GLT1D1: variants seen among roughly 807,000 people sequenced by gnomAD.
GLT1D1 encodes the protein glycosyltransferase 1 domain containing 1, also known as glycosyltransferase 1 domain-containing protein 1.
A neutral mutation model predicts 28.7 loss-of-function variants in GLT1D1; 21 were observed. The observed-to-expected ratio is 0.73, with a 90% CI of 0.52 to 1.05. GLT1D1 has a LOEUF of 1.05. Among genes scored for constraint, GLT1D1 ranks in the 50% least tolerant of loss-of-function variants. The pLI is 0.00. For missense variants in GLT1D1, 343 were observed against 330.6 expected (o/e 1.04, Z -0.29); for synonymous variants, 147 against 124.8 (o/e 1.18, Z -1.19).
chr12:128,924,242 C>T (rs11060018), intron 4 of GLT1D1, among the ~76,000 whole-genome samples: 28 of 152,014 alleles, frequency 1.8e-4, no homozygotes, highest in African/African-American at 6.3e-4. Flanking sequence ...GCCTGGCCAA[C>T]ATGGCGAAAC....
chr12:128,965,412 A>G (rs1878353998), intron 7 of GLT1D1, among the ~76,000 whole-genome samples: 1 of 152,174 alleles, frequency 6.6e-6, no homozygotes. Context: ...TCCAGACAGG[A>G]GCCCAGCCCA....
At chr12:128,981,683 G>A (rs1028645274) in intron 7 of GLT1D1, among the ~76,000 whole-genome samples, 1 of 152,186 alleles carries the variant, frequency 6.6e-6, no homozygotes, top group African/African-American at 2.4e-5. Context: ...CTTAGGCATT[G>A]CTGCCTTCTT....
rs376424529 is a variant in GLT1D1, at chr12:128,978,190, G to A, written c.640-4739G>A. ...TCCGGGGTTACAGTGCGTGTGTGTGGCTGTCAGCCAATCGGCTTTTCCGCA... is the reference window on the plus strand; with the variant it reads ...TCCGGGGTTACAGTGCGTGTGTGTGACTGTCAGCCAATCGGCTTTTCCGCA... On this transcript the variant is annotated intron_variant, in intron 7 of 7. Coordinates refer to ENST00000281703, the MANE Select transcript of GLT1D1 (RefSeq NM_144669.3). Among the ~76,000 whole-genome samples, 5 of 152,192 alleles carry A rather than the reference G, an allele frequency of 3.3e-5. No individual in the cohort carries two copies. The East Asian group carries it at 5.8e-4, about 18-fold the overall frequency.
At chr12:128,937,675 A>G (rs891780762) in intron 4 of GLT1D1, among the ~76,000 whole-genome samples, 1 of 151,906 alleles carries the variant, frequency 6.6e-6, no homozygotes, top group Non-Finnish European at 1.5e-5. Context: ...TCCACGTGTC[A>G]TGGGAGGTAG....
chr12:128,912,429 T>A, intron 4 of GLT1D1: 1 of 1,526,430 alleles, frequency 6.6e-7, no homozygotes, highest in East Asian at 2.4e-5. Context: ...AAAAGCCGCA[T>A]GCTAAGGGTA....
intron 1 of GLT1D1, among the ~76,000 whole-genome samples, chr12:128,875,052 T>C (rs1956839382): frequency 8.0e-6 from 1 of 125,484 alleles, no homozygotes; most frequent in Admixed American, 8.2e-5. Flanking sequence ...AAGACATAAA[T>C]ATTGTGTGTG....
chr12:128,982,648 T>G (rs1256782232), intron 7 of GLT1D1, among the ~76,000 whole-genome samples: 3 of 152,116 alleles, frequency 2.0e-5, no homozygotes. Context: ...TCCAGTATTT[T>G]TCGTGATGTT....
At chr12:128,858,771 T>A (rs1956288316) in intron 1 of GLT1D1, among the ~76,000 whole-genome samples, 1 of 152,104 alleles carries the variant, frequency 6.6e-6, no homozygotes, top group African/African-American at 2.4e-5. Context: ...CTTTTAAAGA[T>A]CTGAAGAGGA....
intron 2 of GLT1D1, among the ~76,000 whole-genome samples, chr12:128,882,916 A>G (rs934544170): frequency 1.0e-4 from 13 of 128,012 alleles, no homozygotes; most frequent in Non-Finnish European, 1.6e-4. Context: ...TTATTTATTT[A>G]TTTATTTATA....
chr12:128,922,922 CAAAAAAAAA>C (rs149775593), intron 4 of GLT1D1, among the ~76,000 whole-genome samples: 2 of 97,614 alleles, frequency 2.0e-5, no homozygotes, highest in South Asian at 3.3e-4. Context: ...GACTCCATCT[CAAAAAAAAA>C]AAAAAAAAAA....
chr12:128,952,632 A>G (rs1395396939), intron 6 of GLT1D1, among the ~76,000 whole-genome samples: 1 of 148,820 alleles, frequency 6.7e-6, no homozygotes, highest in Non-Finnish European at 1.5e-5. Flanking sequence ...ACGCTTGGCT[A>G]ATTTTGTATT....
intron 1 of GLT1D1, among the ~76,000 whole-genome samples, chr12:128,869,201 C>T (rs1030619107): frequency 3.9e-5 from 6 of 152,152 alleles, no homozygotes; most frequent in African/African-American, 7.2e-5. Context: ...GGGTCTCACT[C>T]GGTCGTCCAG....
At chr12:128,928,706 T>C (rs958036534) in intron 4 of GLT1D1, among the ~76,000 whole-genome samples, 16 of 148,180 alleles carry the variant, frequency 1.1e-4, no homozygotes, top group African/African-American at 3.7e-4. Context: ...CTGCAACCTC[T>C]GCCTCCTGGG....
At chr12:128,953,935 G>A (rs1405687476) in intron 6 of GLT1D1, among the ~76,000 whole-genome samples, 4 of 151,430 alleles carry the variant, frequency 2.6e-5, no homozygotes, top group Non-Finnish European at 5.9e-5. Flanking sequence ...TAGTAGAGAC[G>A]GGCTTTCACC....
In GLT1D1 at chr12:128,853,547, C is replaced by A. The variant is rs901156844; in HGVS notation, c.-35C>A. 1.1e-5 allele frequency: 12 copies of A among 1,045,448 alleles called. No homozygotes were observed. The African/African-American group carries it at 1.7e-4, about 15-fold the overall frequency. The allele number at this position is 1,045,448 out of a possible 1,614,324, so 64.8% of individuals were successfully genotyped here. On this transcript the variant is annotated 5_prime_UTR_variant, in exon 1 of 8. Transcript: ENST00000281703. ...GGCCCCGGGGCCTGGTCGGCGGCGG[C>A]GGGGCCGGTCGATGGCCCGGGCGGC... is the stretch of plus-strand genomic sequence containing the variant.
chr12:128,878,283 G>A (rs12299444), intron 2 of GLT1D1, among the ~76,000 whole-genome samples: 2,223 of 152,206 alleles, frequency 0.015, 53 homozygotes, highest in African/African-American at 0.05. Flanking sequence ...CCTTTTCACC[G>A]CTCAGCCACA....
At chr12:128,857,679 C>G (rs1956256271) in intron 1 of GLT1D1, among the ~76,000 whole-genome samples, 1 of 152,210 alleles carries the variant, frequency 6.6e-6, no homozygotes, top group South Asian at 2.1e-4. Context: ...CCACCTTCAA[C>G]TGACCCTGGA....
chr12:128,910,264 CTTT>C (rs11361008), intron 4 of GLT1D1, among the ~76,000 whole-genome samples: 36 of 114,240 alleles, frequency 3.2e-4, no homozygotes, highest in South Asian at 1.8e-3. Context: ...AAGTTTAACT[CTTT>C]TTTTTTTTTT....
At position 128,982,806 on chromosome 12, in the gene GLT1D1, CT is replaced by C; in HGVS notation, c.640-122del. 3.9e-6 allele frequency: 3 copies of C among 778,014 alleles called. No homozygotes were observed. In the South Asian group the frequency reaches 4.9e-5, roughly 13 times the overall value. 48.2% of individuals were successfully genotyped at this position (778,014 alleles called of 1,614,324 possible). A position where few individuals can be genotyped will look rare whatever the true frequency, so the allele number is the denominator to read the frequency against. ...TCCCATCCCTCCTAAAAGTCACTCT[CT>C]CCAGGCCCAGGAGGCAGACAAGGGC... On this transcript the variant is annotated intron_variant, in intron 7 of 7. Transcript: ENST00000281703.
Sources: gnomAD v4.1 joint callset for allele counts (sites outside exome capture counted in the v4.1 genomes callset) on GRCh38, gnomAD v4.1.1 for gene constraint, MANE v1.5 for transcripts, NCBI Gene and HGNC (gene_info 2026-07-23, HGNC 2026-07-21) for gene names.